The following BMPR1B variants were observed in gnomAD, a reference collection of about 807,000 sequenced individuals.
BMPR1B encodes bone morphogenetic protein receptor type-1B.
A neutral mutation model predicts 59.1 loss-of-function variants in BMPR1B; 12 were observed. The observed-to-expected ratio is 0.20, with a 90% CI of 0.13 to 0.33. The LOEUF is 0.33. Among genes scored for constraint, BMPR1B ranks in the 10% least tolerant of loss-of-function variants. BMPR1B has a pLI of 1.00. For synonymous variants in BMPR1B, 237 were observed against 207.3 expected (o/e 1.14, Z -1.23); for missense variants, 550 against 610.9 (o/e 0.90, Z 1.05).
chr4:95,140,851 A>G (rs1476756153), intron 10 of BMPR1B, among the ~76,000 whole-genome samples: 4 of 152,210 alleles, frequency 2.6e-5, no homozygotes, highest in African/African-American at 9.6e-5. Context: ...AAAAAAGGAA[A>G]GTGAGTATCT....
intron 3 of BMPR1B, among the ~76,000 whole-genome samples, chr4:95,026,289 C>G (rs1001307289): frequency 5.9e-5 from 9 of 151,784 alleles, no homozygotes; most frequent in African/African-American, 1.9e-4. Flanking sequence ...AGAAATTTAA[C>G]CTCAAATTAT....
At chr4:94,854,031 C>A (rs1725663833) in intron 1 of BMPR1B, among the ~76,000 whole-genome samples, 1 of 152,062 alleles carries the variant, frequency 6.6e-6, no homozygotes, top group Non-Finnish European at 1.5e-5. Context: ...AAACTTATTT[C>A]CTGTTCAATC....
chr4:95,064,303 A>T (rs1727637422), intron 3 of BMPR1B, among the ~76,000 whole-genome samples: 1 of 152,206 alleles, frequency 6.6e-6, no homozygotes, highest in African/African-American at 2.4e-5. Context: ...GGAAGTGAGC[A>T]GTTGGCAAGT....
intron 4 of BMPR1B, among the ~76,000 whole-genome samples, chr4:95,109,622 TA>T (rs1359907133): frequency 6.6e-6 from 1 of 152,058 alleles, no homozygotes; most frequent in African/African-American, 2.4e-5. Context: ...TCTATTTAAT[TA>T]TTTTTTTCCA....
chr4:94,797,601 C>A (rs1189011944), intron 1 of BMPR1B, among the ~76,000 whole-genome samples: 2 of 152,192 alleles, frequency 1.3e-5, no homozygotes, highest in East Asian at 3.9e-4. Flanking sequence ...AGTATATTCA[C>A]ATTGTCCTGG....
intron 2 of BMPR1B, among the ~76,000 whole-genome samples, chr4:94,965,436 G>A (rs1214990756): frequency 1.3e-5 from 2 of 152,034 alleles, no homozygotes; most frequent in East Asian, 3.9e-4. Context: ...AGAAATCTAA[G>A]GGGAGCTCCC....
intron 3 of BMPR1B, among the ~76,000 whole-genome samples, chr4:95,053,281 T>TTTGTGTGTGTGTGTGTGTG (rs947790944): frequency 3.7e-5 from 5 of 134,250 alleles, no homozygotes; most frequent in African/African-American, 1.4e-4. Flanking sequence ...TGCAGGGCAC[T>TTTGTGTGTGTGTGTGTGTG]TGTGTGTGTG....
chr4:95,119,071 C>T (rs985186387), intron 6 of BMPR1B, among the ~76,000 whole-genome samples: 1 of 152,216 alleles, frequency 6.6e-6, no homozygotes, highest in South Asian at 2.1e-4. Flanking sequence ...GGCAGTGAAG[C>T]TTGGAGTCTT....
chr4:94,769,130 C>G (rs1722076984), intron 1 of BMPR1B, among the ~76,000 whole-genome samples: 2 of 152,098 alleles, frequency 1.3e-5, no homozygotes, highest in Admixed American at 6.5e-5. Flanking sequence ...TTTTTTGGCT[C>G]ATCTGTCCTA....
chr4:95,098,778 G>T (rs961137931), intron 3 of BMPR1B, among the ~76,000 whole-genome samples: 2 of 151,920 alleles, frequency 1.3e-5, no homozygotes, highest in African/African-American at 2.4e-5. Flanking sequence ...GTGCAGTGGC[G>T]CGATCTGGGC....
At chr4:94,917,997 C>T (rs1052566554) in intron 2 of BMPR1B, among the ~76,000 whole-genome samples, 1 of 152,034 alleles carries the variant, frequency 6.6e-6, no homozygotes, top group Non-Finnish European at 1.5e-5. Context: ...CTCCTGCTTG[C>T]ACCATGTGAC....
chr4:95,148,842 C>T lies in BMPR1B; in HGVS notation c.1171C>T (p.His391Tyr). The stretch of plus-strand genomic sequence containing the variant: ...GTTGGACGAGAGCTTGAACAGAAAT[C>T]ACTTCCAGTCTTACATCATGGCTGA... ...EVLDESLNRN[H>Y]FQSYIMADMY... Residue 391 changes from histidine (H) to tyrosine (Y), a missense_variant, in exon 11 of 13, where the codon CAC becomes TAC. This residue lies in a region of BMPR1B where 123 missense variants were observed against 164.6 expected (regional missense o/e 0.75). Coordinates refer to ENST00000515059, the MANE Select transcript of BMPR1B (RefSeq NM_001203.3). 1.9e-6 allele frequency: 3 copies of T among 1,614,096 alleles called. No homozygotes were observed. Among genetic ancestry groups the T allele is most frequent in the Non-Finnish European group, 1.7e-6 (2 of 1,179,968 alleles).
At chr4:94,991,718 G>A (rs970435925) in intron 2 of BMPR1B, among the ~76,000 whole-genome samples, 1 of 152,088 alleles carries the variant, frequency 6.6e-6, no homozygotes, top group African/African-American at 2.4e-5. Context: ...GAATAAAGTG[G>A]GGCTAGGCTA....
chr4:94,769,399 T>G (rs939377667), intron 1 of BMPR1B, among the ~76,000 whole-genome samples: 1 of 152,080 alleles, frequency 6.6e-6, no homozygotes, highest in African/African-American at 2.4e-5. Context: ...TCACTTGAGG[T>G]CAGGAGTTCG....
intron 2 of BMPR1B, among the ~76,000 whole-genome samples, chr4:94,942,137 C>T (rs1456041314): frequency 6.6e-6 from 1 of 152,166 alleles, no homozygotes; most frequent in Non-Finnish European, 1.5e-5. Context: ...TGGGATTTTC[C>T]TTTAACCATG....
chr4:94,919,251 C>G (rs891723717), intron 2 of BMPR1B, among the ~76,000 whole-genome samples: 3 of 152,152 alleles, frequency 2.0e-5, no homozygotes, highest in Admixed American at 1.3e-4. Flanking sequence ...CAGCCTTTTC[C>G]ACGATGCATT....
At chr4:95,130,396 C>A (rs1394862016) in intron 9 of BMPR1B, among the ~76,000 whole-genome samples, 1 of 152,068 alleles carries the variant, frequency 6.6e-6, no homozygotes, top group Non-Finnish European at 1.5e-5. Flanking sequence ...TTGTAGGAAT[C>A]TTATCTGCAG....
rs140118125 is a variant in BMPR1B, at chr4:95,047,657, G to A, written c.-18+51523G>A. Among the ~76,000 whole-genome samples the A allele has an allele frequency of 8.0e-3, 1,215 of 152,248 alleles. 8 individuals are homozygous for A. The highest frequency in any genetic ancestry group is 0.013 in the Admixed American group (198 of 15,300). ...CACTAAGCACAGCTTAGAGTCAAGG[G>A]TGGGGTTGATTAAGCTCTGCTTCAT... On this transcript the variant is annotated intron_variant, in intron 3 of 12. Transcript: ENST00000515059.
At chr4:94,969,620 G>A (rs757016160) in intron 2 of BMPR1B, among the ~76,000 whole-genome samples, 2 of 152,104 alleles carry the variant, frequency 1.3e-5, no homozygotes, top group Admixed American at 6.5e-5. Flanking sequence ...GTGGAATGGC[G>A]GAGTCAGTAT....
Sources: allele counts gnomAD v4.1 joint callset (sites outside exome capture counted in the v4.1 genomes callset), GRCh38; gene constraint gnomAD v4.1.1; regional missense constraint gnomAD v4.1.1; transcripts MANE v1.5; gene names NCBI Gene and HGNC (gene_info 2026-07-23, HGNC 2026-07-21).